WDR27: variants seen among roughly 807,000 people sequenced by gnomAD.
WDR27 encodes WD repeat-containing protein 27.
Under a neutral mutation model 114.4 loss-of-function variants are expected in WDR27, and 100 were observed. The observed-to-expected ratio is 0.87, with a 90% CI of 0.74 to 1.03. WDR27 has a LOEUF of 1.03. Among genes scored for constraint, WDR27 ranks in the 50% least tolerant of loss-of-function variants. The pLI, the probability that WDR27 is intolerant of heterozygous loss-of-function variation, is 0.00. For missense variants in WDR27, 1,129 were observed against 1,092.9 expected (o/e 1.03, Z -0.47); for synonymous variants, 449 against 423.1 (o/e 1.06, Z -0.75).
chr6:169,649,261 G>A lies in WDR27; in HGVS notation c.1496C>T (p.Ser499Leu), dbSNP rs1032410910. Residue 499 changes from serine (S) to leucine (L), a missense_variant, in exon 15 of 26, where the codon TCA becomes TTA. Coordinates refer to ENST00000448612, the MANE Select transcript of WDR27 (RefSeq NM_182552.5). Reference protein sequence around the residue: ...YASAPHVTMFSPKTNIKSEGK... With the variant: ...YASAPHVTMFLPKTNIKSEGK... ...CTCACTCTTGATGTTGGTCTTTGGT[G>A]AAAACATAGTTACACTGTGGAAAGA... 9 of 1,573,588 alleles carry A rather than the reference G, an allele frequency of 5.7e-6. No homozygotes were observed. In the African/African-American group the frequency reaches 9.5e-5, roughly 17 times the overall value.
intron 7 of WDR27, 172 bp from the exon 8 acceptor site, chr6:169,664,458 C>T (rs918889174): frequency 6.8e-7 from 1 of 1,468,738 alleles, no homozygotes. Flanking sequence ...CTCTGGAGGC[C>T]CTCCGTACGG....
intron 25 of WDR27, among the ~76,000 whole-genome samples, chr6:169,478,593 TCA>T (rs1012862098): frequency 6.6e-6 from 1 of 151,962 alleles, no homozygotes; most frequent in Non-Finnish European, 1.5e-5. Flanking sequence ...CTTTATAACA[TCA>T]CACACCTTAT....
intron 25 of WDR27, among the ~76,000 whole-genome samples, chr6:169,493,805 T>A (rs542774002): frequency 6.6e-6 from 1 of 152,186 alleles, no homozygotes; most frequent in African/African-American, 2.4e-5. Context: ...GTAATATATA[T>A]GACATACATA....
At chr6:169,455,947 A>G (rs1784330813), downstream of WDR27, among the ~76,000 whole-genome samples, 1 of 151,796 alleles carries the variant, frequency 6.6e-6, no homozygotes, top group South Asian at 2.1e-4. Context: ...AAATAATTTT[A>G]TATTTCTTTT....
intron 25 of WDR27, among the ~76,000 whole-genome samples, chr6:169,525,295 G>A (rs908575160): frequency 6.6e-6 from 1 of 152,068 alleles, no homozygotes; most frequent in African/African-American, 2.4e-5. Flanking sequence ...CCAGCACTTT[G>A]GGAGGCCAAG....
At chr6:169,650,105 C>T (rs1398492537) in intron 14 of WDR27, among the ~76,000 whole-genome samples, 1 of 150,520 alleles carries the variant, frequency 6.6e-6, no homozygotes, top group Non-Finnish European at 1.5e-5. Flanking sequence ...TCCCTCCTTC[C>T]CCTCCATCCA....
chr6:169,442,688 G>C, the WDR27 span, among the ~76,000 whole-genome samples: 2 of 152,166 alleles, frequency 1.3e-5, no homozygotes, highest in Non-Finnish European at 2.9e-5. Context: ...TGGCCCAGGA[G>C]TGGGCACATA....
chr6:169,459,144 A>G (rs1016679097), intron 25 of WDR27, among the ~76,000 whole-genome samples: 1 of 152,206 alleles, frequency 6.6e-6, no homozygotes, highest in Non-Finnish European at 1.5e-5. Flanking sequence ...ATCTGATGGC[A>G]CTTCTACAGC....
intron 25 of WDR27, among the ~76,000 whole-genome samples, chr6:169,500,552 G>A (rs1042269865): frequency 2.0e-5 from 3 of 152,172 alleles, no homozygotes; most frequent in African/African-American, 7.2e-5. Context: ...AAGGCATCAC[G>A]CAGAGAGGGC....
chr6:169,651,854 T>C (rs1822665879), intron 14 of WDR27, 76 bp downstream of exon 14: 1 of 1,288,298 alleles, frequency 7.8e-7, no homozygotes, highest in South Asian at 1.3e-5. Flanking sequence ...GATGTATGTG[T>C]GTCCCTATTT....
chr6:169,526,116 G>A (rs2997898), intron 25 of WDR27, among the ~76,000 whole-genome samples: 65,517 of 152,036 alleles, frequency 0.43, 17,761 homozygotes, highest in Non-Finnish European at 0.61. Context: ...ATCAATTAAC[G>A]GGCACAAATG....
At chr6:169,452,206 T>C in the WDR27 span, among the ~76,000 whole-genome samples, 1 of 152,256 alleles carries the variant, frequency 6.6e-6, no homozygotes, top group Admixed American at 6.5e-5. Flanking sequence ...CGTTTCCTCA[T>C]GCCTCTGCAA....
chr6:169,505,574 T>C (rs1374910741), intron 25 of WDR27, among the ~76,000 whole-genome samples: 2 of 152,184 alleles, frequency 1.3e-5, no homozygotes, highest in South Asian at 2.1e-4. Flanking sequence ...ATAGCATTCC[T>C]ATACTCCAAG....
At chr6:169,448,070 A>T in the WDR27 span, among the ~76,000 whole-genome samples, 1 of 152,182 alleles carries the variant, frequency 6.6e-6, no homozygotes, top group African/African-American at 2.4e-5. Flanking sequence ...ACTATTAATA[A>T]TGTTGAAGTG....
intron 22 of WDR27, among the ~76,000 whole-genome samples, chr6:169,607,532 G>A (rs1189959666): frequency 1.3e-5 from 2 of 152,018 alleles, no homozygotes; most frequent in African/African-American, 2.4e-5. Flanking sequence ...GAAACAGAAC[G>A]ACAAATACCA....
chr6:169,445,031 G>A, the WDR27 span, among the ~76,000 whole-genome samples: 1 of 152,228 alleles, frequency 6.6e-6, no homozygotes, highest in Non-Finnish European at 1.5e-5. Context: ...CTGGCACACA[G>A]GATGGGATTC....
intron 25 of WDR27, among the ~76,000 whole-genome samples, chr6:169,504,519 TG>T (rs200967841): frequency 0.034 from 5,118 of 152,286 alleles, 209 homozygotes; most frequent in African/African-American, 0.1. Context: ...TGTGGAACTG[TG>T]AGTCAATTAA....
intron 25 of WDR27, among the ~76,000 whole-genome samples, chr6:169,465,071 C>T (rs1479023388): frequency 6.6e-6 from 1 of 151,598 alleles, no homozygotes; most frequent in African/African-American, 2.4e-5. Context: ...GCAGCCTGAC[C>T]AACATGGTGA....
intron 17 of WDR27, among the ~76,000 whole-genome samples, chr6:169,642,543 A>G (rs1481557368): frequency 6.6e-6 from 1 of 152,136 alleles, no homozygotes; most frequent in Non-Finnish European, 1.5e-5. Flanking sequence ...ACCAGGAGCA[A>G]GGCGCTCGAA....
Sources: allele counts gnomAD v4.1 joint callset (sites outside exome capture counted in the v4.1 genomes callset), GRCh38; gene constraint gnomAD v4.1.1; transcripts MANE v1.5; gene names NCBI Gene and HGNC (gene_info 2026-07-23, HGNC 2026-07-21).